Variants in CCDC85C observed in about 807,000 individuals in gnomAD.
CCDC85C encodes coiled-coil domain-containing protein 85C.
Under a neutral mutation model 38.3 loss-of-function variants are expected in CCDC85C, and 18 were observed. The ratio of observed to expected loss-of-function variants is 0.47; its 90% CI spans 0.33 to 0.70. The LOEUF (loss-of-function observed/expected upper bound fraction) is 0.70, where lower values mean the gene tolerates loss of function less well. Ranked by LOEUF, CCDC85C falls within the 30% of genes least tolerant of loss-of-function variation. CCDC85C has a pLI of 0.03. For missense variants in CCDC85C, 566 were observed against 621.2 expected, an observed-to-expected ratio of 0.91 and a Z score of 0.94; for synonymous variants, 264 against 293.8, an observed-to-expected ratio of 0.90 and a Z score of 1.04.
At chr14:99,586,446 G>A (rs950071890) in intron 1 of CCDC85C, among the ~76,000 whole-genome samples, 4 of 152,236 alleles carry the variant, frequency 2.6e-5, no homozygotes, top group South Asian at 2.1e-4. Flanking sequence ...GGCGGGAAAC[G>A]GAGGCACGTG....
chr14:99,568,164 C>G (rs1898255633), intron 1 of CCDC85C, among the ~76,000 whole-genome samples: 1 of 152,060 alleles, frequency 6.6e-6, no homozygotes, highest in Admixed American at 6.6e-5. Flanking sequence ...AGCCCCAGGC[C>G]CCGTATTGGG....
At chr14:99,590,992 A>AC (rs2139987094) in intron 1 of CCDC85C, among the ~76,000 whole-genome samples, 1 of 152,162 alleles carries the variant, frequency 6.6e-6, no homozygotes, top group East Asian at 1.9e-4. Context: ...GGCTCATTTA[A>AC]CCCCAAGAGG....
Position 99,544,865 on chromosome 14 carries a change from A to T in CCDC85C, c.794-8777T>A, listed in dbSNP as rs2139930071. Among the ~76,000 whole-genome samples the T allele has an allele frequency of 6.6e-6, 1 of 152,238 alleles. No homozygotes were observed. Among genetic ancestry groups the T allele is most frequent in the Admixed American group, 6.5e-5 (1 of 15,300 alleles). On this transcript the variant is annotated intron_variant, in intron 1 of 5. Transcript: ENST00000380243. The surrounding 1 kb of genome is among the most constrained non-coding windows in gnomAD (Gnocchi z 5.3). ...CAGGCTGGCACCAGCTTCCCCTGAG[A>T]TCCACCTCCATGCCCGGAGACATGG...
intron 2 of CCDC85C, among the ~76,000 whole-genome samples, chr14:99,526,893 AGCTCCAGGG>A (rs1317291184): frequency 6.6e-6 from 1 of 152,132 alleles, no homozygotes; most frequent in East Asian, 1.9e-4. Context: ...GGGCCCCAGC[AGCTCCAGGG>A]GCAGCTGGGG....
At chr14:99,594,042 G>C (rs1288087807) in intron 1 of CCDC85C, among the ~76,000 whole-genome samples, 1 of 136,458 alleles carries the variant, frequency 7.3e-6, no homozygotes, top group East Asian at 2.6e-4. Context: ...GGGGGGCGGG[G>C]AGTAACTTAT....
At chr14:99,562,263 T>C (rs1317000637) in intron 1 of CCDC85C, among the ~76,000 whole-genome samples, 1 of 152,068 alleles carries the variant, frequency 6.6e-6, no homozygotes, top group East Asian at 1.9e-4. Context: ...CTGCTCCCCA[T>C]TTCATCTCTG....
chr14:99,526,567 C>T (rs1159433908), intron 2 of CCDC85C, among the ~76,000 whole-genome samples: 1 of 152,074 alleles, frequency 6.6e-6, no homozygotes, highest in African/African-American at 2.4e-5. Flanking sequence ...ACCACCCCGT[C>T]CCCAAGACCT....
intron 1 of CCDC85C, among the ~76,000 whole-genome samples, chr14:99,573,640 T>C (rs1485395957): frequency 6.6e-6 from 1 of 152,180 alleles, no homozygotes; most frequent in Non-Finnish European, 1.5e-5. Flanking sequence ...AACACTTCCC[T>C]CCAGGGCAGG....
In CCDC85C at chr14:99,577,917, A is replaced by AGTGTCTGT. The variant is rs555067698; in HGVS notation, c.793+25249_793+25250insACAGACAC. 1.8e-3 allele frequency among the ~76,000 whole-genome samples: 207 copies of AGTGTCTGT among 117,154 alleles called. 1 individual carries two copies. Among genetic ancestry groups the AGTGTCTGT allele is most frequent in the African/African-American group, 6.9e-3 (201 of 29,142 alleles). The allele number at this position is 117,154 out of a possible 152,430, so 76.9% of individuals were successfully genotyped here. ...TACAGCCCATCCTGTATCCCCCATC[A>AGTGTCTGT]GTGTGTGTGTGTGTGTGTGTGTGTG... is the stretch of plus-strand genomic sequence containing the variant. On this transcript the variant is annotated intron_variant, in intron 1 of 5. Transcript: ENST00000380243.
chr14:99,534,620 G>T (rs1403255332), intron 2 of CCDC85C: 1 of 702,222 alleles, frequency 1.4e-6, no homozygotes, highest in African/African-American at 1.7e-5. Context: ...CAAAGCAAAG[G>T]TCCCTAAGCC....
chr14:99,568,079 C>A (rs1243665971), intron 1 of CCDC85C, among the ~76,000 whole-genome samples: 1 of 151,996 alleles, frequency 6.6e-6, no homozygotes, highest in Non-Finnish European at 1.5e-5. Flanking sequence ...CCAGACTGGC[C>A]TGGTCCCTTT....
Position 99,544,690 on chromosome 14 carries a change from C to T in CCDC85C, c.794-8602G>A, listed in dbSNP as rs1897775199. Among the ~76,000 whole-genome samples, 1 of 152,162 alleles carries T rather than the reference C, an allele frequency of 6.6e-6. No individual in the cohort carries two copies. The highest frequency in any genetic ancestry group is 2.1e-4 in the South Asian group (1 of 4,810). ...GGAGCGTCACTCTGAACTCCATTATCCTTGACCCATCTCTCCTCCGAGACC... is the reference window on the plus strand; with the variant it reads ...GGAGCGTCACTCTGAACTCCATTATTCTTGACCCATCTCTCCTCCGAGACC... On this transcript the variant is annotated intron_variant, in intron 1 of 5. Transcript: ENST00000380243. The surrounding 1 kb of genome is among the most constrained non-coding windows in gnomAD (Gnocchi z 5.3).
intron 1 of CCDC85C, among the ~76,000 whole-genome samples, chr14:99,539,469 CAAAA>C (rs5810957): frequency 3.7e-5 from 4 of 108,478 alleles, no homozygotes; most frequent in Admixed American, 2.0e-4. Flanking sequence ...GACTCCATCT[CAAAA>C]AAAAAAAAAA....
In CCDC85C at chr14:99,503,307, T is replaced by A; in HGVS notation, c.*11939A>T. The A allele has an allele frequency of 1.6e-6, 1 of 609,580 alleles. No individual in the cohort carries two copies. The highest frequency in any genetic ancestry group is 2.9e-6 in the Non-Finnish European group (1 of 340,420). The allele number at this position is 609,580 out of a possible 1,614,324, so 37.8% of individuals were successfully genotyped here. ...TGCATGCTGCTTCTGTGCAGCTGCCTGACCCCAAACAGTGGACCGTTTCCT... is the reference window on the plus strand; with the variant it reads ...TGCATGCTGCTTCTGTGCAGCTGCCAGACCCCAAACAGTGGACCGTTTCCT... On this transcript the variant is annotated 3_prime_UTR_variant, in exon 6 of 6. Coordinates refer to ENST00000380243, the MANE Select transcript of CCDC85C (RefSeq NM_001144995.2).
chr14:99,534,700 G>A (rs189761722), intron 2 of CCDC85C: 21 of 702,364 alleles, frequency 3.0e-5, no homozygotes, highest in South Asian at 2.4e-4. Flanking sequence ...CAATGGCCCC[G>A]CCAGGTCTGC....
chr14:99,517,615 G>C (rs950645007), intron 3 of CCDC85C, among the ~76,000 whole-genome samples: 1 of 152,160 alleles, frequency 6.6e-6, no homozygotes, highest in Non-Finnish European at 1.5e-5. Flanking sequence ...GCCCACCCTG[G>C]AGCCACCGGT....
rs1016185756 is a variant in CCDC85C at position 99,529,788 on chromosome 14, T to G, written c.867+6227A>C. 2.6e-5 allele frequency among the ~76,000 whole-genome samples: 4 copies of G among 152,358 alleles called. 1 individual carries two copies. In the South Asian group the frequency reaches 8.3e-4, roughly 32 times the overall value. On this transcript the variant is annotated intron_variant, in intron 2 of 5. Transcript: ENST00000380243. Reference sequence around the variant, plus strand: ...TCAACTTTCTGGGCCTCTGTTTGTTTGCACATAAACTGGCATCAGGCGGAG... The same window carrying G: ...TCAACTTTCTGGGCCTCTGTTTGTTGGCACATAAACTGGCATCAGGCGGAG...
rs773922045 is a variant in CCDC85C, at chr14:99,516,966, A to C, written c.1071+122T>G. 1.7e-5 allele frequency: 15 copies of C among 900,058 alleles called. No individual in the cohort carries two copies. The highest frequency in any genetic ancestry group is 2.3e-5 in the Non-Finnish European group (13 of 558,224). The allele number at this position is 900,058 out of a possible 1,614,324, so 55.8% of individuals were successfully genotyped here. On this transcript the variant is annotated intron_variant, in intron 4 of 5. Coordinates refer to ENST00000380243, the MANE Select transcript of CCDC85C (RefSeq NM_001144995.2). This position sits in a 1 kb window ranked among gnomAD's most constrained non-coding sequence, Gnocchi z 5.5. Reference sequence around the variant, plus strand: ...TCCAGGCAGCCATGGTCACCCAGCCACCCACACACAGATGAAACCTCCCAC... The same window carrying C: ...TCCAGGCAGCCATGGTCACCCAGCCCCCCACACACAGATGAAACCTCCCAC...
rs1229558544 is a variant in CCDC85C, at chr14:99,603,729, C to G, written c.231G>C (p.Leu77=). The change falls in exon 1 of 6, where the codon CTG becomes CTC. Residue 77 remains leucine, a synonymous_variant. Transcript: ENST00000380243. This position sits in a 1 kb window ranked among gnomAD's most constrained non-coding sequence, Gnocchi z 7.5. ...CGCGCAGCTCCTGGTTGTCGTCCTG[C>G]AGCCGCTGGTTCACGTCCTTGAGGC... The part of the protein sequence containing the change: ...IRGLKDVNQR[L]QDDNQELREL... The G allele has an allele frequency of 6.6e-7, 1 of 1,519,758 alleles. No homozygotes were observed. The highest frequency in any genetic ancestry group is 2.0e-5 in the Admixed American group (1 of 49,500). The allele number at this position is 1,519,758 out of a possible 1,614,324, so 94.1% of individuals were successfully genotyped here.
Sources: gnomAD v4.1 joint callset for allele counts (sites outside exome capture counted in the v4.1 genomes callset) on GRCh38, gnomAD v4.1.1 for gene constraint, Gnocchi (gnomAD v3.1) non-coding constraint, MANE v1.5 for transcripts, NCBI Gene and HGNC (gene_info 2026-07-23, HGNC 2026-07-21) for gene names.